CSTPP1: variants seen among roughly 807,000 people sequenced by gnomAD.
CSTPP1 encodes UPF0705 protein C11orf49.
chr11:46,976,083 A>C, the CSTPP1 span, among the ~76,000 whole-genome samples: 1 of 152,158 alleles, frequency 6.6e-6, no homozygotes, highest in African/African-American at 2.4e-5. Flanking sequence ...AAAATGGACT[A>C]TGTGCTCCTA....
chr11:47,115,866 A>C, the CSTPP1 span, among the ~76,000 whole-genome samples: 2 of 151,090 alleles, frequency 1.3e-5, no homozygotes, highest in Non-Finnish European at 3.0e-5. Context: ...CTAGCTTTTG[A>C]ATTTGTTTGC....
the CSTPP1 span, among the ~76,000 whole-genome samples, chr11:46,979,645 G>C: frequency 2.0e-5 from 3 of 152,128 alleles, no homozygotes; most frequent in Non-Finnish European, 2.9e-5. Context: ...GGACGCGGTG[G>C]CTTATGCCTG....
At chr11:47,131,848 A>G in the CSTPP1 span, among the ~76,000 whole-genome samples, 149,781 of 152,094 alleles carry the variant, frequency 0.98, 73,798 homozygotes, top group Middle Eastern at 1. Flanking sequence ...GTAGTGATGC[A>G]TGTCTGTAAT....
At chr11:46,964,289 C>CT in the CSTPP1 span, among the ~76,000 whole-genome samples, 336 of 141,868 alleles carry the variant, frequency 2.4e-3, no homozygotes, top group Admixed American at 6.0e-3. Flanking sequence ...CTCTCTCTCT[C>CT]TTTTTTTTTT....
chr11:46,947,293 T>A, the CSTPP1 span, among the ~76,000 whole-genome samples: 1 of 152,246 alleles, frequency 6.6e-6, no homozygotes, highest in Non-Finnish European at 1.5e-5. Flanking sequence ...GTCCTCTTTC[T>A]GTGTTGGGAT....
the CSTPP1 span, among the ~76,000 whole-genome samples, chr11:47,059,009 G>A: frequency 6.6e-6 from 1 of 152,202 alleles, no homozygotes; most frequent in African/African-American, 2.4e-5. Flanking sequence ...ATACTATGCA[G>A]CCATAAAAAG....
At chr11:47,123,907 A>G in the CSTPP1 span, among the ~76,000 whole-genome samples, 2 of 151,218 alleles carry the variant, frequency 1.3e-5, no homozygotes, top group Admixed American at 1.3e-4. Context: ...AGCCGAGATC[A>G]TGCCATTGCA....
chr11:46,979,361 GA>G, the CSTPP1 span, among the ~76,000 whole-genome samples: 3 of 152,042 alleles, frequency 2.0e-5, no homozygotes, highest in African/African-American at 4.8e-5. Context: ...CAATTTACAG[GA>G]TTTTTTTTTT....
chr11:47,154,765 T>G, the CSTPP1 span, among the ~76,000 whole-genome samples: 1 of 152,214 alleles, frequency 6.6e-6, no homozygotes, highest in Non-Finnish European at 1.5e-5. Flanking sequence ...TCAGCTGTAT[T>G]TATTCTGAAC....
At chr11:46,949,227 C>T in the CSTPP1 span, among the ~76,000 whole-genome samples, 34 of 152,152 alleles carry the variant, frequency 2.2e-4, no homozygotes, top group Non-Finnish European at 3.8e-4. Context: ...AATTAATATA[C>T]GTCTAGTATC....
At chr11:47,078,096 G>A in the CSTPP1 span, among the ~76,000 whole-genome samples, 1 of 152,158 alleles carries the variant, frequency 6.6e-6, no homozygotes, top group Non-Finnish European at 1.5e-5. Context: ...TGGTGAAAAA[G>A]ATAATTTGTC....
the CSTPP1 span, among the ~76,000 whole-genome samples, chr11:46,985,079 C>T: frequency 6.6e-6 from 1 of 151,706 alleles, no homozygotes; most frequent in Non-Finnish European, 1.5e-5. Flanking sequence ...TTTGTTTTCA[C>T]CTCTTTTTGG....
chr11:47,159,367 G>A, the CSTPP1 span, among the ~76,000 whole-genome samples: 2 of 152,134 alleles, frequency 1.3e-5, no homozygotes, highest in African/African-American at 2.4e-5. Flanking sequence ...AAAATTAGCT[G>A]GGTATAGTGG....
chr11:46,950,939 T>C, the CSTPP1 span, among the ~76,000 whole-genome samples: 1 of 152,134 alleles, frequency 6.6e-6, no homozygotes, highest in Non-Finnish European at 1.5e-5. Flanking sequence ...GAAACTGTTT[T>C]CAAATAGGTG....
the CSTPP1 span, among the ~76,000 whole-genome samples, chr11:47,139,789 AT>A: frequency 6.6e-6 from 1 of 152,144 alleles, no homozygotes; most frequent in African/African-American, 2.4e-5. Context: ...TGTTGTGCGA[AT>A]ATACTGATAG....
the CSTPP1 span, among the ~76,000 whole-genome samples, chr11:46,978,777 A>G: frequency 6.6e-6 from 1 of 152,230 alleles, no homozygotes; most frequent in Admixed American, 6.5e-5. Context: ...TATTTGAAAA[A>G]GAATCCCCAC....
chr11:46,948,140 G>A, the CSTPP1 span: 1 of 456,268 alleles, frequency 2.2e-6, no homozygotes. Flanking sequence ...TGGTTCTCAT[G>A]CCCCAAAGTC....
At chr11:47,123,056 CA>C in the CSTPP1 span, 12 of 152,072 alleles carry the variant, frequency 7.9e-5, no homozygotes, top group Admixed American at 7.9e-4. Context: ...CTCTATATGA[CA>C]ATTTTTATTT....
At chr11:47,154,426 C>T in the CSTPP1 span, 2 of 152,218 alleles carry the variant, frequency 1.3e-5, no homozygotes, top group Admixed American at 6.5e-5. Flanking sequence ...ATGAACATAG[C>T]CTTGGTCGGA....
Sources: gnomAD v4.1 joint callset for allele counts (sites outside exome capture counted in the v4.1 genomes callset) on GRCh38, gnomAD v4.1.1 for gene constraint, MANE v1.5 for transcripts, NCBI Gene and HGNC (gene_info 2026-07-23, HGNC 2026-07-21) for gene names.